DNMT3A: variants seen among roughly 807,000 people sequenced by gnomAD.
DNMT3A encodes the protein DNA methyltransferase 3 alpha, also known as DNA (cytosine-5)-methyltransferase 3A.
A neutral mutation model predicts 117.6 loss-of-function variants in DNMT3A; 267 were observed. The ratio of observed to expected loss-of-function variants is 2.27; its 90% CI spans 2.05 to 2.51. The LOEUF is 2.51. Among genes scored for constraint, DNMT3A ranks in the 30% most tolerant of loss-of-function variants. DNMT3A has a pLI of 0.00. For missense variants in DNMT3A, 1,029 were observed against 1,260.2 expected, an observed-to-expected ratio of 0.82 and a Z score of 2.78; for synonymous variants, 432 against 474.8, an observed-to-expected ratio of 0.91 and a Z score of 1.17.
At position 25,286,202 on chromosome 2, in the gene DNMT3A, T is replaced by C. The variant is rs1208063943; in HGVS notation, c.178-3491A>G. ...GCTGGCTCCGTAGCATAGAGACCTA[T>C]GAGGGCCGGCTCTGAGGCCCAACAC... On this transcript the variant is annotated intron_variant, in intron 3 of 22. Coordinates refer to ENST00000321117, the MANE Select transcript of DNMT3A (RefSeq NM_022552.5). The surrounding 1 kb of genome is among the most constrained non-coding windows in gnomAD (Gnocchi z 4.3). 6.6e-6 allele frequency among the ~76,000 whole-genome samples: 1 copy of C among 152,166 alleles called. No individual in the cohort carries two copies. The highest frequency in any genetic ancestry group is 1.5e-5 in the Non-Finnish European group (1 of 68,026).
At chr2:25,263,933 A>G (rs2029921392) in intron 6 of DNMT3A, among the ~76,000 whole-genome samples, 1 of 152,068 alleles carries the variant, frequency 6.6e-6, no homozygotes, top group African/African-American at 2.4e-5. Context: ...TTCTAAAACA[A>G]CCCTGCCCTG....
Position 25,337,420 on chromosome 2 carries a change from G to A in DNMT3A, c.-178+4406C>T, listed in dbSNP as rs1274694804. On this transcript the variant is annotated intron_variant, in intron 1 of 22. Transcript: ENST00000321117. The surrounding 1 kb of genome is among the most constrained non-coding windows in gnomAD (Gnocchi z 5.0). ...GCTCCTCTAAGGCTGTAACGCACAT[G>A]ATCTCACTCCATCCTCACAACCACC... Among the ~76,000 whole-genome samples the A allele has an allele frequency of 6.6e-6, 1 of 152,180 alleles. No homozygotes were observed. The highest frequency in any genetic ancestry group is 1.9e-4 in the East Asian group (1 of 5,202).
chr2:25,250,564 C>T (rs1437157540), intron 6 of DNMT3A, among the ~76,000 whole-genome samples: 4 of 152,198 alleles, frequency 2.6e-5, no homozygotes, highest in Admixed American at 2.0e-4. Context: ...AATTAGCCAT[C>T]GCCTCCTCCC....
chr2:25,271,957 T>C (rs1310226744), intron 6 of DNMT3A, among the ~76,000 whole-genome samples: 6 of 152,168 alleles, frequency 3.9e-5, no homozygotes, highest in African/African-American at 1.2e-4. Flanking sequence ...TGCTTCTGCA[T>C]ATGTTAGAAA....
Position 25,240,728 on chromosome 2 carries a change from G to T in DNMT3A, c.2085C>A (p.Ile695=). 6.2e-7 allele frequency: 1 copy of T among 1,614,164 alleles called. No homozygotes were observed. The highest frequency in any genetic ancestry group is 8.5e-7 in the Non-Finnish European group (1 of 1,180,010). ...GDVRSVTQKH[I]QEWGPFDLVI... is the part of the protein sequence containing the mutation. ...CCAGATCGAATGGGCCCCACTCCTG[G>T]ATCTGGGAGGATAAAGGCAACGTGA... The change falls in exon 18 of 23, where the codon ATC becomes ATA. Residue 695 remains isoleucine (I), a splice_region_variant and synonymous_variant. Transcript: ENST00000321117.
chr2:25,317,051 G>T (rs955680387), intron 1 of DNMT3A, among the ~76,000 whole-genome samples: 1 of 152,138 alleles, frequency 6.6e-6, no homozygotes, highest in African/African-American at 2.4e-5. Context: ...CAATGCAATA[G>T]AAACATTTTT....
chr2:25,318,708 T>C (rs2034475520), intron 1 of DNMT3A, among the ~76,000 whole-genome samples: 1 of 149,320 alleles, frequency 6.7e-6, no homozygotes, highest in Non-Finnish European at 1.5e-5. Flanking sequence ...CTTTTTTTTT[T>C]TTTTTTTGAG....
At chr2:25,239,600 A>C (rs543782824) in intron 19 of DNMT3A, 1 of 509,300 alleles carries the variant, frequency 2.0e-6, no homozygotes, top group Non-Finnish European at 4.0e-6. Context: ...CATATTGCAC[A>C]GTGCTGCTCT....
intron 5 of DNMT3A, among the ~76,000 whole-genome samples, 168 bp from the exon 6 acceptor site, chr2:25,275,255 C>T (rs1003234472): frequency 6.8e-6 from 1 of 147,560 alleles, no homozygotes; most frequent in Middle Eastern, 3.5e-3. Context: ...GCATGTGTGG[C>T]GGGGGTGGGG....
rs562722719 is a variant in DNMT3A at position 25,237,638 on chromosome 2, GC to G, written c.2409-634del. Among the ~76,000 whole-genome samples, 125 of 152,234 alleles carry G rather than the reference GC, an allele frequency of 8.2e-4. No homozygotes were observed. Among genetic ancestry groups the G allele is most frequent in the African/African-American group, 2.9e-3 (120 of 41,544 alleles). On this transcript the variant is annotated intron_variant, in intron 20 of 22. Coordinates refer to ENST00000321117, the MANE Select transcript of DNMT3A (RefSeq NM_022552.5). The surrounding 1 kb of genome is among the most constrained non-coding windows in gnomAD (Gnocchi z 5.4). ...AAATTAGCCAGACGTGGTGGCAGGT[GC>G]CTGTAATCCCAGCTACTCGGGAGGC...
At chr2:25,244,457 G>C in intron 14 of DNMT3A, 83 bp downstream of exon 14, 2 of 1,586,114 alleles carry the variant, frequency 1.3e-6, no homozygotes, top group Non-Finnish European at 1.7e-6. Flanking sequence ...AGGGTCTGTG[G>C]GGAAGGGAGA....
At chr2:25,275,855 G>A (rs1573405426) in intron 4 of DNMT3A, among the ~76,000 whole-genome samples, 1 of 152,122 alleles carries the variant, frequency 6.6e-6, no homozygotes. Flanking sequence ...ACACAGAAGG[G>A]GACTAAAAAT....
chr2:25,278,126 G>A (rs896296895), intron 4 of DNMT3A, among the ~76,000 whole-genome samples: 4 of 152,054 alleles, frequency 2.6e-5, no homozygotes, highest in South Asian at 2.1e-4. Flanking sequence ...CTCTCAGTAC[G>A]GCCTATGCAG....
intron 6 of DNMT3A, among the ~76,000 whole-genome samples, chr2:25,262,314 G>A (rs76438456): frequency 2.0e-5 from 3 of 152,032 alleles, no homozygotes; most frequent in South Asian, 2.1e-4. Flanking sequence ...AAGACCTTGC[G>A]GTAGACAGAG....
At chr2:25,315,028 C>T (rs2034311842) in intron 1 of DNMT3A, among the ~76,000 whole-genome samples, 1 of 152,228 alleles carries the variant, frequency 6.6e-6, no homozygotes, top group African/African-American at 2.4e-5. Flanking sequence ...CTCCCCACCC[C>T]CGGAGGAGGC....
At chr2:25,330,548 C>G (rs1455067047) in intron 1 of DNMT3A, among the ~76,000 whole-genome samples, 1 of 152,240 alleles carries the variant, frequency 6.6e-6, no homozygotes. Flanking sequence ...ACGGCCCTCA[C>G]AGAGGAAGCG....
Position 25,337,078 on chromosome 2 carries a change from C to T in DNMT3A, c.-178+4748G>A, listed in dbSNP as rs779006459. 4.6e-5 allele frequency among the ~76,000 whole-genome samples: 7 copies of T among 152,152 alleles called. No individual in the cohort carries two copies. The highest frequency in any genetic ancestry group is 1.0e-4 in the Non-Finnish European group (7 of 68,036). ...TCAGCACATCTCTGGAAAATGGAAG[C>T]GAATACGGTGGGAAAGTGCTGCTGC... On this transcript the variant is annotated intron_variant, in intron 1 of 22. Coordinates refer to ENST00000321117, the MANE Select transcript of DNMT3A (RefSeq NM_022552.5). The surrounding 1 kb of genome is among the most constrained non-coding windows in gnomAD (Gnocchi z 5.0).
rs1231537965 is a variant in DNMT3A at position 25,254,021 on chromosome 2, G to A, written c.640-5769C>T. ...TAGGAGGCGGATGTTGCAGTGAGCC[G>A]AGATCATGCCACTGCACTCCAGCCT... On this transcript the variant is annotated intron_variant, in intron 6 of 22. Transcript: ENST00000321117. This position sits in a 1 kb window ranked among gnomAD's most constrained non-coding sequence, Gnocchi z 4.7. 1.3e-5 allele frequency among the ~76,000 whole-genome samples: 2 copies of A among 150,100 alleles called. No individual in the cohort carries two copies. The highest frequency in any genetic ancestry group is 2.1e-4 in the South Asian group (1 of 4,754).
intron 1 of DNMT3A, among the ~76,000 whole-genome samples, chr2:25,321,588 T>G (rs1316649611): frequency 2.6e-5 from 4 of 152,224 alleles, no homozygotes; most frequent in South Asian, 2.1e-4. Context: ...GGGCCATTAT[T>G]CTGGCTACCA....
Sources: allele counts gnomAD v4.1 joint callset (sites outside exome capture counted in the v4.1 genomes callset), GRCh38; gene constraint gnomAD v4.1.1; non-coding constraint Gnocchi (gnomAD v3.1); transcripts MANE v1.5; gene names NCBI Gene and HGNC (gene_info 2026-07-23, HGNC 2026-07-21).